TBKBP1: variants seen among roughly 807,000 people sequenced by gnomAD.
The protein encoded by TBKBP1 is TANK-binding kinase 1-binding protein 1.
Under a neutral mutation model 69.9 loss-of-function variants are expected in TBKBP1, and 47 were observed. That is an observed-to-expected ratio of 0.67 (90% CI 0.53 to 0.86). The LOEUF is 0.86. Ranked by LOEUF, TBKBP1 falls within the 40% of genes least tolerant of loss-of-function variation. TBKBP1 has a pLI of 0.00. For synonymous variants in TBKBP1, 418 were observed against 390.3 expected, an observed-to-expected ratio of 1.07 and a Z score of -0.84; for missense variants, 831 against 858.6, an observed-to-expected ratio of 0.97 and a Z score of 0.40.
intron 7 of TBKBP1, among the ~76,000 whole-genome samples, chr17:47,702,072 C>T (rs2031529680): frequency 6.6e-6 from 1 of 152,240 alleles, no homozygotes. Flanking sequence ...AGGAAGTCCT[C>T]ACTACCCCGA....
intron 7 of TBKBP1, among the ~76,000 whole-genome samples, chr17:47,702,365 A>T (rs2031540001): frequency 6.6e-6 from 1 of 151,956 alleles, no homozygotes; most frequent in Non-Finnish European, 1.5e-5. Flanking sequence ...AGAGGGGTAC[A>T]CCCAATTCCT....
chr17:47,694,888 A>AGGG lies in TBKBP1; in HGVS notation c.-35+702_-35+704dup, dbSNP rs56069116. Reference sequence around the variant, plus strand: ...ACTTAGATGGGCCTGTGGGTGGCGGAGGGGGGGGGGTGGATTGAATTGGAG... The same window carrying AGGG: ...ACTTAGATGGGCCTGTGGGTGGCGGAGGGGGGGGGGGGGTGGATTGAATTGGAG... On this transcript the variant is annotated intron_variant, in intron 1 of 9. Coordinates refer to ENST00000578982, the MANE Select transcript of TBKBP1 (RefSeq NM_001394755.1). Among the ~76,000 whole-genome samples, 13 of 127,774 alleles carry AGGG rather than the reference A, an allele frequency of 1.0e-4. No homozygotes were observed. In the South Asian group the frequency reaches 1.6e-3, roughly 16 times the overall value. 83.8% of individuals were successfully genotyped at this position (127,774 alleles called of 152,430 possible).
intron 7 of TBKBP1, among the ~76,000 whole-genome samples, chr17:47,700,835 G>A (rs1362023558): frequency 2.0e-5 from 3 of 152,108 alleles, no homozygotes; most frequent in African/African-American, 4.8e-5. Flanking sequence ...CCTCCAGGGG[G>A]GCACTGGACA....
Position 47,696,147 on chromosome 17 carries a change from T to C in TBKBP1, c.35T>C (p.Leu12Pro), listed in dbSNP as rs769180937. 2 of 1,613,172 alleles carry C rather than the reference T, an allele frequency of 1.2e-6. No individual in the cohort carries two copies. The highest frequency in any genetic ancestry group is 1.7e-6 in the Non-Finnish European group (2 of 1,179,688). Residue 12 changes from leucine (L) to proline (P), a missense_variant, in exon 2 of 10, where the codon CTG (leucine) becomes CCG (proline). Leu to Pro is a moderately conservative substitution (Grantham distance 98). Coordinates refer to ENST00000578982, the MANE Select transcript of TBKBP1 (RefSeq NM_001394755.1). ...ESMFEDDISI[L>P]TQEALGPSEV... ...ATGTTCGAGGACGACATCAGCATCC[T>C]GACGCAGGAGGCCCTGGGGCCTAGT...
At chr17:47,702,462 G>A (rs563228545) in intron 7 of TBKBP1, among the ~76,000 whole-genome samples, 2 of 152,004 alleles carry the variant, frequency 1.3e-5, no homozygotes, top group Admixed American at 6.5e-5. Flanking sequence ...AGACACCTCC[G>A]GGGCAGCCAG....
At chr17:47,697,233 C>G in intron 4 of TBKBP1, 40 bp downstream of exon 4, 2 of 1,560,706 alleles carry the variant, frequency 1.3e-6, no homozygotes, top group Non-Finnish European at 1.8e-6. Context: ...GGATGTGTAG[C>G]TGGTTGTGTG....
intron 9 of TBKBP1, among the ~76,000 whole-genome samples, chr17:47,710,133 C>T (rs913485319): frequency 2.0e-5 from 3 of 152,236 alleles, no homozygotes; most frequent in African/African-American, 7.2e-5. Flanking sequence ...AAATATACTC[C>T]AAAGCCAGAC....
At chr17:47,702,906 C>G (rs2031559367) in intron 7 of TBKBP1, among the ~76,000 whole-genome samples, 1 of 151,056 alleles carries the variant, frequency 6.6e-6, no homozygotes, top group Admixed American at 6.6e-5. Context: ...CCCCTTCTCT[C>G]TGGGCCCAGC....
At chr17:47,700,364 C>T (rs117191081) in intron 7 of TBKBP1, among the ~76,000 whole-genome samples, 6,179 of 131,932 alleles carry the variant, frequency 0.047, 206 homozygotes, top group Middle Eastern at 0.22. Flanking sequence ...AGGCTGGTCT[C>T]GACTCCTGGG....
At position 47,702,996 on chromosome 17, in the gene TBKBP1, ACTT is replaced by A. The variant is rs2031567678; in HGVS notation, c.872+3303_872+3305del. On this transcript the variant is annotated intron_variant, in intron 7 of 9. Transcript: ENST00000578982. ...GGGGAGGGGAAATGCGGGGGGGGGA[ACTT>A]CTTGAAGGGGATGAGGGCTCCGAAG... Among the ~76,000 whole-genome samples the A allele has an allele frequency of 1.2e-4, 3 of 24,768 alleles. No homozygotes were observed. In the South Asian group the frequency reaches 3.0e-3, roughly 25 times the overall value. 16.2% of individuals were successfully genotyped at this position (24,768 alleles called of 152,430 possible).
rs932864188 is a variant in TBKBP1 at position 47,696,567 on chromosome 17, G to A, written c.226-144G>A. The A allele has an allele frequency of 3.0e-6, 4 of 1,352,948 alleles. No individual in the cohort carries two copies. In the African/African-American group the frequency reaches 4.4e-5, roughly 15 times the overall value. The allele number at this position is 1,352,948 out of a possible 1,614,324, so 83.8% of individuals were successfully genotyped here. A position where few individuals can be genotyped will look rare whatever the true frequency, so the allele number is the denominator to read the frequency against. On this transcript the variant is annotated intron_variant, in intron 2 of 9. Coordinates refer to ENST00000578982, the MANE Select transcript of TBKBP1 (RefSeq NM_001394755.1). ...ATCCGGTGGGTGGGAGATGGCTACA[G>A]ACCCATGGGAATTGGGATCCCACTA...
Position 47,699,380 on chromosome 17 carries a change from CT to C in TBKBP1, c.698del (p.Leu233TrpfsTer29). On this transcript the variant is annotated frameshift_variant, in exon 6 of 10. Coordinates refer to ENST00000578982, the MANE Select transcript of TBKBP1 (RefSeq NM_001394755.1). LOFTEE classifies it high-confidence loss of function. ...SDLERRRLEEALEAAQGEARG... is the reference protein window; with the variant it reads ...SDLERRRLEEXLEAAQGEARG... ...CTGGAGCGGCGGCGGCTAGAAGAGGCTTTGGAGGCCGCGCAGGGAGAGGCCC... is the reference window on the plus strand; with the variant it reads ...CTGGAGCGGCGGCGGCTAGAAGAGGCTTGGAGGCCGCGCAGGGAGAGGCCC... 1.3e-6 allele frequency: 2 copies of C among 1,565,680 alleles called. No individual in the cohort carries two copies. Among genetic ancestry groups the C allele is most frequent in the Non-Finnish European group, 8.6e-7 (1 of 1,161,078 alleles).
chr17:47,709,354 C>G lies in TBKBP1; in HGVS notation c.1621C>G (p.Arg541Gly). The G allele has an allele frequency of 6.5e-7, 1 of 1,527,234 alleles. No individual in the cohort carries two copies. The highest frequency in any genetic ancestry group is 8.7e-7 in the Non-Finnish European group (1 of 1,143,558). The allele number at this position is 1,527,234 out of a possible 1,614,324, so 94.6% of individuals were successfully genotyped here. The change falls in exon 9 of 10, where the codon CGC becomes GGC. Residue 541 changes from arginine to glycine, a missense_variant. Transcript: ENST00000578982. ...GCCCAGCCCGGAGGTGGGCACCATC[C>G]GCTGCGCCTCCTTCTGCGCGGGCTT... ...SPPSPEVGTI[R>G]CASFCAGFPI...
rs1392898839 is a variant in TBKBP1 at position 47,708,832 on chromosome 17, G to A, written c.1099G>A (p.Val367Ile). 51 of 567,780 alleles carry A rather than the reference G, an allele frequency of 9.0e-5. No homozygotes were observed. The highest frequency in any genetic ancestry group is 1.2e-4 in the Non-Finnish European group (45 of 368,910). 35.2% of individuals were successfully genotyped at this position (567,780 alleles called of 1,614,324 possible). The change falls in exon 9 of 10, where the codon GTC (valine) becomes ATC (isoleucine). Residue 367 changes from valine (V) to isoleucine (I), a missense_variant. Physicochemically the swap from Val to Ile is conservative, Grantham distance 29. Transcript: ENST00000578982. The surrounding 1 kb of genome is among the most constrained non-coding windows in gnomAD (Gnocchi z 4.4). The part of the protein sequence containing the change: ...APPCPPCQSP[V>I]PQRRSPVPPC... ...CCCGTGCCCCCCGTGCCAGTCCCCCGTCCCCCAGCGCCGCTCTCCCGTGCC... is the reference window on the plus strand; with the variant it reads ...CCCGTGCCCCCCGTGCCAGTCCCCCATCCCCCAGCGCCGCTCTCCCGTGCC...
chr17:47,708,408 T>G lies in TBKBP1; in HGVS notation c.887T>G (p.Leu296Arg), dbSNP rs1390989089. Residue 296 changes from leucine to arginine, a missense_variant, in exon 8 of 10, where the codon CTG (leucine) becomes CGG (arginine). Leu to Arg is a moderately radical substitution (Grantham distance 102). Transcript: ENST00000578982. The surrounding 1 kb of genome is among the most constrained non-coding windows in gnomAD (Gnocchi z 4.4). ...RVGDDQVNLA[L>R]AYTELTEELG... ...TCTGACTTCAGGGTGAATTTGGCGC[T>G]GGCCTACACCGAGCTGACGGAGGAG... 1 of 1,613,874 alleles carries G rather than the reference T, an allele frequency of 6.2e-7. No homozygotes were observed. Among genetic ancestry groups the G allele is most frequent in the Non-Finnish European group, 8.5e-7 (1 of 1,179,788 alleles).
rs200256974 is a variant in TBKBP1, at chr17:47,698,754, G to T, written c.613G>T (p.Gly205Trp). Residue 205 changes from glycine (G) to tryptophan (W), a missense_variant, in exon 5 of 10, where the codon GGG (glycine) becomes TGG (tryptophan). Physicochemically the swap from Gly to Trp is radical, Grantham distance 184. Transcript: ENST00000578982. ...AGACCTGCACTACCTGGCACTGAGAGGGGGATCTGGCTTGAGTCATGGTGA... is the reference window on the plus strand; with the variant it reads ...AGACCTGCACTACCTGGCACTGAGATGGGGATCTGGCTTGAGTCATGGTGA... ...DLDLHYLALR[G>W]GSGLSHAGWP... The T allele has an allele frequency of 3.8e-6, 6 of 1,581,012 alleles. No homozygotes were observed. The South Asian group carries it at 6.9e-5, about 18-fold the overall frequency.
intron 7 of TBKBP1, among the ~76,000 whole-genome samples, chr17:47,704,062 T>C (rs2031615503): frequency 6.6e-6 from 1 of 152,178 alleles, no homozygotes; most frequent in African/African-American, 2.4e-5. Context: ...GGGGGCACTA[T>C]TAATAATTAT....
At position 47,710,469 on chromosome 17, in the gene TBKBP1, C is replaced by T. The variant is rs191001817; in HGVS notation, c.1720-29C>T. On this transcript the variant is annotated intron_variant, in intron 9 of 9. Transcript: ENST00000578982. ...GGGGACCATGGGTGGGGGCTGGGGA[C>T]CATAAGTGACTTCCTTCTCTCTCGA... The T allele has an allele frequency of 3.2e-3, 5,090 of 1,594,686 alleles. 25 individuals carry two copies. The Middle Eastern group carries it at 0.039, about 12-fold the overall frequency.
At chr17:47,705,981 T>A (rs184764015) in intron 7 of TBKBP1, among the ~76,000 whole-genome samples, 109 of 152,244 alleles carry the variant, frequency 7.2e-4, no homozygotes, top group African/African-American at 2.4e-3. Flanking sequence ...AGCCACCCTG[T>A]CTGTTTCACT....
Sources: gnomAD v4.1 joint callset for allele counts (sites outside exome capture counted in the v4.1 genomes callset) on GRCh38, gnomAD v4.1.1 for gene constraint, Gnocchi (gnomAD v3.1) non-coding constraint, MANE v1.5 for transcripts, NCBI Gene and HGNC (gene_info 2026-07-23, HGNC 2026-07-21) for gene names.